Variants in ITSN1 observed in about 807,000 individuals in gnomAD.
The protein encoded by ITSN1 is intersectin-1.
Under a neutral mutation model 239.8 loss-of-function variants are expected in ITSN1, and 58 were observed. That is an observed-to-expected ratio of 0.24 (90% CI 0.20 to 0.30). ITSN1 has a LOEUF of 0.30. ITSN1 is among the 10% of genes least tolerant of loss of function. ITSN1 has a pLI of 1.00. For missense variants in ITSN1, 1,558 were observed against 2,103.3 expected (o/e 0.74, Z 5.07); for synonymous variants, 780 against 770.8 (o/e 1.01, Z -0.20).
At position 33,768,561 on chromosome 21, in the gene ITSN1, G is replaced by A. The variant is rs139557488; in HGVS notation, c.1042+733G>A. Among the ~76,000 whole-genome samples the A allele has an allele frequency of 1.5e-4, 23 of 152,268 alleles. No homozygotes were observed. The East Asian group carries it at 3.3e-3, about 22-fold the overall frequency. ...CTCCCAAAGTGCTGGGATTATAGGC[G>A]TGAGTCACTGTGCCCAGCTGAACCT... On this transcript the variant is annotated intron_variant, in intron 11 of 39. Transcript: ENST00000381318.
At chr21:33,697,305 C>T (rs1433292711) in intron 1 of ITSN1, among the ~76,000 whole-genome samples, 1 of 141,786 alleles carries the variant, frequency 7.1e-6, no homozygotes, top group Non-Finnish European at 1.5e-5. Flanking sequence ...TGGTCTCAAA[C>T]TCCTAACCTC....
At chr21:33,660,879 A>G (rs1441132335) in intron 1 of ITSN1, among the ~76,000 whole-genome samples, 1 of 152,244 alleles carries the variant, frequency 6.6e-6, no homozygotes. Context: ...TTTGACCAAT[A>G]CATACAACAT....
At position 33,856,837 on chromosome 21, in the gene ITSN1, G is replaced by C; in HGVS notation, c.3763G>C (p.Asp1255His). 6.2e-7 allele frequency: 1 copy of C among 1,614,122 alleles called. No individual in the cohort carries two copies. The highest frequency in any genetic ancestry group is 2.2e-5 in the East Asian group (1 of 44,878). The change falls in exon 30 of 40, where the codon GAC becomes CAC. Residue 1255 changes from aspartate to histidine, a missense_variant. This residue lies in a region of ITSN1 where 576 missense variants were observed against 893.3 expected (regional missense o/e 0.64). Coordinates refer to ENST00000381318, the MANE Select transcript of ITSN1 (RefSeq NM_003024.3). ...TGTCACCGAGGAGAACTATGTGAATGACCTGCAGCTGGTCACAGAGGTAAG... is the reference window on the plus strand; with the variant it reads ...TGTCACCGAGGAGAACTATGTGAATCACCTGCAGCTGGTCACAGAGGTAAG... ...LIVTEENYVN[D>H]LQLVTEIFQK...
intron 1 of ITSN1, among the ~76,000 whole-genome samples, chr21:33,682,857 C>G (rs755677058): frequency 2.7e-4 from 41 of 151,804 alleles, no homozygotes; most frequent in Non-Finnish European, 5.4e-4. Flanking sequence ...TATTTATTGT[C>G]ACACTAGGAT....
rs560241869 is a variant in ITSN1, at chr21:33,856,673, G to A, written c.3662-63G>A. ...GACCCAGCAGCCACGAGGATCTTCC[G>A]TGTGAAGTTGTGTGGGCTTCCCCAG... is the stretch of plus-strand genomic sequence containing the variant. On this transcript the variant is annotated intron_variant, in intron 29 of 39. Coordinates refer to ENST00000381318, the MANE Select transcript of ITSN1 (RefSeq NM_003024.3). The A allele has an allele frequency of 1.9e-4, 299 of 1,608,266 alleles. 1 individual carries two copies. Among genetic ancestry groups the A allele is most frequent in the Non-Finnish European group, 2.4e-4 (281 of 1,176,386 alleles).
intron 29 of ITSN1, among the ~76,000 whole-genome samples, chr21:33,842,846 C>T (rs928383316): frequency 6.6e-6 from 1 of 152,106 alleles, no homozygotes; most frequent in Admixed American, 6.6e-5. Flanking sequence ...TTTGATCTGC[C>T]AGTTTTCATC....
In ITSN1 at chr21:33,872,462, T is replaced by C. The variant is rs568096839; in HGVS notation, c.4174-2892T>C. ...CATGGAACATTGTACTATAAAGCAATGTATGAAATAGTACAGTATAAAATG... is the reference window on the plus strand; with the variant it reads ...CATGGAACATTGTACTATAAAGCAACGTATGAAATAGTACAGTATAAAATG... On this transcript the variant is annotated intron_variant, in intron 33 of 39. Transcript: ENST00000381318. Among the ~76,000 whole-genome samples the C allele has an allele frequency of 3.3e-5, 5 of 152,326 alleles. No homozygotes were observed. The East Asian group carries it at 9.6e-4, about 29-fold the overall frequency.
At chr21:33,720,799 C>G (rs1211958652) in intron 2 of ITSN1, among the ~76,000 whole-genome samples, 1 of 152,058 alleles carries the variant, frequency 6.6e-6, no homozygotes, top group Non-Finnish European at 1.5e-5. Context: ...ATAACTTTTG[C>G]CTGTGGCATT....
At chr21:33,672,401 G>T (rs1278900870) in intron 1 of ITSN1, among the ~76,000 whole-genome samples, 1 of 152,082 alleles carries the variant, frequency 6.6e-6, no homozygotes, top group Non-Finnish European at 1.5e-5. Context: ...GCTACCTAGG[G>T]AAGTACAAAT....
Position 33,865,157 on chromosome 21 carries a change from G to C in ITSN1, c.3897G>C (p.Leu1299=). 6.2e-7 allele frequency: 1 copy of C among 1,613,474 alleles called. No individual in the cohort carries two copies. Among genetic ancestry groups the C allele is most frequent in the Non-Finnish European group, 8.5e-7 (1 of 1,179,692 alleles). ...CTCCCGTGTTTCCGTGCAGAGCGCTGAGAGTCCGCAAGAAGATGTCCGGGG... is the reference window on the plus strand; with the variant it reads ...CTCCCGTGTTTCCGTGCAGAGCGCTCAGAGTCCGCAAGAAGATGTCCGGGG... The part of the protein sequence containing the change: ...IMCNIKLLKA[L]RVRKKMSGEK... Residue 1299 remains leucine (L), a synonymous_variant, in exon 32 of 40, where the codon CTG becomes CTC. Transcript: ENST00000381318. This position sits in a 1 kb window ranked among gnomAD's most constrained non-coding sequence, Gnocchi z 4.4.
intron 26 of ITSN1, 71 bp downstream of exon 26, chr21:33,826,934 G>A (rs1453682101): frequency 9.6e-6 from 12 of 1,245,908 alleles, no homozygotes; most frequent in Non-Finnish European, 1.3e-5. Context: ...CCATCTTTGT[G>A]TATTAGGGCC....
At chr21:33,674,214 C>T (rs908695519) in intron 1 of ITSN1, among the ~76,000 whole-genome samples, 2 of 152,136 alleles carry the variant, frequency 1.3e-5, no homozygotes, top group African/African-American at 4.8e-5. Context: ...ACTGTGGATT[C>T]TTTTTTTCTT....
chr21:33,756,283 G>A (rs570754746), intron 8 of ITSN1, among the ~76,000 whole-genome samples: 8 of 118,032 alleles, frequency 6.8e-5, no homozygotes, highest in East Asian at 5.1e-4. Context: ...GTGAGACTCC[G>A]TCTCAAAAAA....
In ITSN1 at chr21:33,725,062, G is replaced by A. The variant is rs114860975; in HGVS notation, c.185+2411G>A. Among the ~76,000 whole-genome samples, 542 of 149,102 alleles carry A rather than the reference G, an allele frequency of 3.6e-3. 2 individuals are homozygous for A. The highest frequency in any genetic ancestry group is 0.013 in the African/African-American group (512 of 40,468). On this transcript the variant is annotated intron_variant, in intron 4 of 39. Coordinates refer to ENST00000381318, the MANE Select transcript of ITSN1 (RefSeq NM_003024.3). Reference sequence around the variant, plus strand: ...AGGTGGGAGCATCGCTTGCGCCCAGGAGTTTGAGACCAACCTGGGCAATAT... The same window carrying A: ...AGGTGGGAGCATCGCTTGCGCCCAGAAGTTTGAGACCAACCTGGGCAATAT...
intron 21 of ITSN1, 146 bp downstream of exon 21, chr21:33,811,368 C>T (rs1171317213): frequency 4.0e-5 from 27 of 671,762 alleles, no homozygotes; most frequent in East Asian, 2.8e-4. Flanking sequence ...CTCTAGCTGG[C>T]GAATTGGAGA....
rs555803110 is a variant in ITSN1 at position 33,868,341 on chromosome 21, G to A, written c.4173+1010G>A. Among the ~76,000 whole-genome samples the A allele has an allele frequency of 7.9e-5, 12 of 152,368 alleles. No homozygotes were observed. In the South Asian group the frequency reaches 2.5e-3, roughly 32 times the overall value. On this transcript the variant is annotated intron_variant, in intron 33 of 39. Transcript: ENST00000381318. Reference sequence around the variant, plus strand: ...CGCACTCCTCAGGCCTTGGGTGGTCGATGGGACTGGGCGCCGTGGAGCAGG... The same window carrying A: ...CGCACTCCTCAGGCCTTGGGTGGTCAATGGGACTGGGCGCCGTGGAGCAGG...
At chr21:33,686,895 T>G (rs1317869447) in intron 1 of ITSN1, among the ~76,000 whole-genome samples, 1 of 152,180 alleles carries the variant, frequency 6.6e-6, no homozygotes, top group Non-Finnish European at 1.5e-5. Context: ...TGGATGGAAT[T>G]GTTCTCTTTA....
At chr21:33,881,756 C>T (rs999950238) in intron 34 of ITSN1, among the ~76,000 whole-genome samples, 8 of 152,068 alleles carry the variant, frequency 5.3e-5, no homozygotes, top group South Asian at 2.1e-4. Context: ...TGAGGTGGAA[C>T]GATCGCTTGA....
chr21:33,671,608 G>GC (rs1249759470), intron 1 of ITSN1, among the ~76,000 whole-genome samples: 1 of 151,800 alleles, frequency 6.6e-6, no homozygotes, highest in Non-Finnish European at 1.5e-5. Flanking sequence ...TTACAATACA[G>GC]CCTGACCAAC....
Sources: gnomAD v4.1 joint callset for allele counts (sites outside exome capture counted in the v4.1 genomes callset) on GRCh38, gnomAD v4.1.1 for gene constraint, gnomAD v4.1.1 regional missense constraint, Gnocchi (gnomAD v3.1) non-coding constraint, MANE v1.5 for transcripts, NCBI Gene and HGNC (gene_info 2026-07-23, HGNC 2026-07-21) for gene names.